The following GAS7 variants were observed in gnomAD, a reference collection of about 807,000 sequenced individuals.
The protein encoded by GAS7 is growth arrest-specific protein 7.
Under a neutral mutation model 71.1 loss-of-function variants are expected in GAS7, and 28 were observed. The ratio of observed to expected loss-of-function variants is 0.39; its 90% confidence interval spans 0.29 to 0.54. GAS7 has a LOEUF of 0.54. Among genes scored for constraint, GAS7 ranks in the 20% least tolerant of loss-of-function variants. The pLI is 0.62. For synonymous variants in GAS7, 258 were observed against 245.8 expected, an observed-to-expected ratio of 1.05 and a Z score of -0.46; for missense variants, 436 against 627.8, an observed-to-expected ratio of 0.69 and a Z score of 3.27.
intron 2 of GAS7, among the ~76,000 whole-genome samples, chr17:10,016,371 C>T (rs1348140871): frequency 1.6e-5 from 2 of 124,558 alleles, no homozygotes; most frequent in Non-Finnish European, 3.2e-5. Context: ...GGTGAAAGAG[C>T]GAGACTCCGT....
intron 1 of GAS7, among the ~76,000 whole-genome samples, chr17:10,125,597 G>A (rs1366242787): frequency 1.3e-5 from 2 of 151,402 alleles, no homozygotes; most frequent in East Asian, 3.9e-4. Context: ...ATAAAATGGG[G>A]ATTGTTCTTT....
chr17:10,048,925 G>C (rs8067422), intron 1 of GAS7, among the ~76,000 whole-genome samples: 2 of 152,128 alleles, frequency 1.3e-5, no homozygotes, highest in East Asian at 3.8e-4. Flanking sequence ...CTCATTGCGG[G>C]GGGGAAGATT....
rs75514186 is a variant in GAS7 at position 9,986,426 on chromosome 17, G to C, written c.305-4542C>G. Among the ~76,000 whole-genome samples the C allele has an allele frequency of 2.1e-3, 322 of 152,068 alleles. 5 individuals carry two copies. In the East Asian group the frequency reaches 0.042, roughly 20 times the overall value. On this transcript the variant is annotated intron_variant, in intron 2 of 13. Coordinates refer to ENST00000432992, the MANE Select transcript of GAS7 (RefSeq NM_201433.2). ...CCATCACTGTTTGCCTACTACCTGC[G>C]AGCCATCACCAACCACTGCGGACCC...
intron 12 of GAS7, among the ~76,000 whole-genome samples, chr17:9,918,419 A>T (rs889563614): frequency 2.0e-5 from 3 of 152,248 alleles, no homozygotes; most frequent in Admixed American, 6.5e-5. Flanking sequence ...GAACTGGGGA[A>T]CTAACACCTA....
At chr17:9,962,265 C>CACAT (rs2069528708) in intron 4 of GAS7, among the ~76,000 whole-genome samples, 1 of 151,790 alleles carries the variant, frequency 6.6e-6, no homozygotes, top group South Asian at 2.1e-4. Context: ...CACACACACA[C>CACAT]ACGTGACACA....
chr17:10,031,179 C>A (rs929655715), intron 1 of GAS7, among the ~76,000 whole-genome samples: 3 of 152,194 alleles, frequency 2.0e-5, no homozygotes, highest in Non-Finnish European at 2.9e-5. Context: ...GTCACAGCCA[C>A]CCTGCAAACC....
chr17:10,192,905 C>T (rs758029201), intron 1 of GAS7, among the ~76,000 whole-genome samples: 2 of 152,130 alleles, frequency 1.3e-5, no homozygotes, highest in Non-Finnish European at 2.9e-5. Flanking sequence ...CAATTACCCA[C>T]CCCTCCGAGC....
In GAS7 at chr17:10,181,204, CA is replaced by C. The variant is rs558453512; in HGVS notation, c.183+17003del. 1.3e-4 allele frequency among the ~76,000 whole-genome samples: 19 copies of C among 146,776 alleles called. 1 individual carries two copies. In the South Asian group the frequency reaches 4.4e-3, roughly 34 times the overall value. Reference sequence around the variant, plus strand: ...GTGAAACCCTGTCTCTACTACAGTACAAAAAATTAGCTGGGCGTGGTGGTGC... The same window carrying C: ...GTGAAACCCTGTCTCTACTACAGTACAAAAATTAGCTGGGCGTGGTGGTGC... On this transcript the variant is annotated intron_variant, in intron 1 of 13. Transcript: ENST00000432992.
chr17:9,925,320 G>A (rs2067958569), intron 11 of GAS7, among the ~76,000 whole-genome samples, 156 bp downstream of exon 11: 1 of 152,206 alleles, frequency 6.6e-6, no homozygotes, highest in Non-Finnish European at 1.5e-5. Context: ...TCAGAGAGAA[G>A]GGAAGAGGGG....
At chr17:10,040,427 A>T (rs890223373) in intron 1 of GAS7, among the ~76,000 whole-genome samples, 1 of 152,202 alleles carries the variant, frequency 6.6e-6, no homozygotes, top group African/African-American at 2.4e-5. Flanking sequence ...TCGATTCTAT[A>T]AAGGAGAAGA....
In GAS7 at chr17:10,062,007, G is replaced by A. The variant is rs184274742; in HGVS notation, c.184-42110C>T. Among the ~76,000 whole-genome samples, 133 of 152,210 alleles carry A rather than the reference G, an allele frequency of 8.7e-4. 1 individual carries two copies. Among genetic ancestry groups the A allele is most frequent in the Non-Finnish European group, 1.5e-3 (104 of 68,002 alleles). ...CCACAACAAAACAACCATCCAACCC[G>A]AAATGTCAACAGTAACATGGCCGAA... On this transcript the variant is annotated intron_variant, in intron 1 of 13. Coordinates refer to ENST00000432992, the MANE Select transcript of GAS7 (RefSeq NM_201433.2).
intron 1 of GAS7, among the ~76,000 whole-genome samples, chr17:10,169,972 G>C (rs1470016755): frequency 6.6e-6 from 1 of 151,988 alleles, no homozygotes; most frequent in African/African-American, 2.4e-5. Flanking sequence ...CAAAAACCTT[G>C]AAACTCGCTT....
rs189613253 is a variant in GAS7 at position 10,050,019 on chromosome 17, C to A, written c.184-30122G>T. Among the ~76,000 whole-genome samples the A allele has an allele frequency of 1.7e-3, 255 of 152,184 alleles. 1 individual carries two copies. The highest frequency in any genetic ancestry group is 5.9e-3 in the African/African-American group (244 of 41,518). ...AATATACACAACATAAAAAAGAATG[C>A]CCCTAATTATTTTCTTATTTCTGTT... On this transcript the variant is annotated intron_variant, in intron 1 of 13. Transcript: ENST00000432992.
intron 1 of GAS7, among the ~76,000 whole-genome samples, chr17:10,071,166 G>T (rs963498287): frequency 1.1e-4 from 17 of 151,932 alleles, no homozygotes; most frequent in Non-Finnish European, 1.9e-4. Flanking sequence ...AAAACTCCAA[G>T]CAGAGAGAGC....
chr17:10,178,582 A>G lies in GAS7; in HGVS notation c.183+19626T>C, dbSNP rs535382768. Among the ~76,000 whole-genome samples the G allele has an allele frequency of 1.7e-3, 251 of 151,746 alleles. 1 individual carries two copies. Among genetic ancestry groups the G allele is most frequent in the African/African-American group, 5.9e-3 (242 of 41,350 alleles). ...TCTCCTGTGAACATCCCTAAACCCC[A>G]GCTCACTGTCTCTCCCAGCACACAT... is the stretch of plus-strand genomic sequence containing the variant. On this transcript the variant is annotated intron_variant, in intron 1 of 13. Transcript: ENST00000432992.
intron 1 of GAS7, among the ~76,000 whole-genome samples, chr17:10,097,324 T>C (rs2073651083): frequency 1.3e-5 from 2 of 152,182 alleles, no homozygotes; most frequent in African/African-American, 2.4e-5. Context: ...AAAAAATACT[T>C]GCTTGACTGA....
chr17:10,016,623 AAC>A (rs2072026065), intron 2 of GAS7, among the ~76,000 whole-genome samples: 1 of 144,848 alleles, frequency 6.9e-6, no homozygotes, highest in African/African-American at 2.5e-5. Flanking sequence ...AAAAAAAAAA[AAC>A]AAAACAAAAA....
intron 1 of GAS7, among the ~76,000 whole-genome samples, chr17:10,189,783 A>G (rs1345640301): frequency 7.5e-6 from 1 of 133,694 alleles, no homozygotes; most frequent in Non-Finnish European, 1.8e-5. Flanking sequence ...TACTAAAAAT[A>G]CAAAAATTAG....
chr17:9,934,392 T>G, intron 8 of GAS7, 148 bp from the exon 9 acceptor site: 2 of 642,258 alleles, frequency 3.1e-6, no homozygotes, highest in Non-Finnish European at 5.6e-6. Context: ...AAACCAGACA[T>G]GAGCATCACG....
Sources: allele counts gnomAD v4.1 joint callset (sites outside exome capture counted in the v4.1 genomes callset), GRCh38; gene constraint gnomAD v4.1.1; transcripts MANE v1.5; gene names NCBI Gene and HGNC (gene_info 2026-07-23, HGNC 2026-07-21).